Variants in CX3CR1 observed in about 807,000 individuals in gnomAD.
CX3CR1 encodes C-X3-C motif chemokine receptor 1, also known as CX3C chemokine receptor 1.
For synonymous variants in CX3CR1, 168 were observed against 178.5 expected (o/e 0.94, Z 0.47); for missense variants, 363 against 432.4 (o/e 0.84, Z 1.42).
chr3:39,288,461 T>C, the CX3CR1 span, among the ~76,000 whole-genome samples: 4 of 152,176 alleles, frequency 2.6e-5, no homozygotes, highest in African/African-American at 9.7e-5. Context: ...AGTCATCAGA[T>C]ACAGGAGTGA....
upstream of CX3CR1, chr3:39,280,509 A>G (rs987574643): frequency 3.1e-6 from 3 of 969,946 alleles, no homozygotes; most frequent in Non-Finnish European, 3.7e-6. Flanking sequence ...CTGAATTAGA[A>G]TCTGCATTTT....
In CX3CR1 at chr3:39,266,309, G is replaced by A. The variant is rs1316330115; in HGVS notation, c.201C>T (p.Asp67=). ...TNSKKPKSVT[D]IYLLNLALSD... is the part of the protein sequence containing the mutation. ...ACAAGGCCAGGTTCAGGAGGTAAAT[G>A]TCGGTGACACTCTTGGGCTTCTTGC... Residue 67 remains aspartate, a synonymous_variant, in exon 2 of 2, where the codon GAC becomes GAT. Transcript: ENST00000399220. 2 of 1,614,102 alleles carry A rather than the reference G, an allele frequency of 1.2e-6. No individual in the cohort carries two copies. Among genetic ancestry groups the A allele is most frequent in the Non-Finnish European group, 1.7e-6 (2 of 1,180,052 alleles).
intron 1 of CX3CR1, among the ~76,000 whole-genome samples, chr3:39,273,663 G>A (rs1030025310): frequency 7.2e-5 from 11 of 152,196 alleles, no homozygotes; most frequent in Non-Finnish European, 1.0e-4. Context: ...GTTTGAGACA[G>A]GATCTCGCTC....
the CX3CR1 span, chr3:39,287,907 G>A: frequency 2.0e-5 from 3 of 152,276 alleles, no homozygotes; most frequent in East Asian, 5.8e-4. Flanking sequence ...TTCACCAAAG[G>A]AAGCAACTTA....
intron 1 of CX3CR1, among the ~76,000 whole-genome samples, chr3:39,270,919 C>T (rs2040767593): frequency 6.6e-6 from 1 of 152,108 alleles, no homozygotes; most frequent in Non-Finnish European, 1.5e-5. Flanking sequence ...TGGTAGCCAA[C>T]ATATAAAAGG....
chr3:39,292,157 G>A, the CX3CR1 span, among the ~76,000 whole-genome samples: 2 of 152,242 alleles, frequency 1.3e-5, no homozygotes, highest in Non-Finnish European at 2.9e-5. Context: ...CAGGCCCTGT[G>A]CACGTGATGG....
At chr3:39,272,704 T>G (rs1304335706) in intron 1 of CX3CR1, among the ~76,000 whole-genome samples, 1 of 152,184 alleles carries the variant, frequency 6.6e-6, no homozygotes, top group Non-Finnish European at 1.5e-5. Context: ...TGAGGTTCAG[T>G]CTGGTGCCAA....
upstream of CX3CR1, among the ~76,000 whole-genome samples, chr3:39,281,918 A>C (rs2040905508): frequency 6.6e-6 from 1 of 152,216 alleles, no homozygotes; most frequent in Non-Finnish European, 1.5e-5. Context: ...CTTGGCAAGC[A>C]TGAGAACCAG....
the CX3CR1 span, among the ~76,000 whole-genome samples, chr3:39,291,326 G>A: frequency 6.6e-6 from 1 of 152,122 alleles, no homozygotes; most frequent in Non-Finnish European, 1.5e-5. Context: ...CAAAGTGCTG[G>A]GATTACAGGT....
chr3:39,291,062 C>CT, the CX3CR1 span, among the ~76,000 whole-genome samples: 2,927 of 145,270 alleles, frequency 0.02, 93 homozygotes, highest in African/African-American at 0.066. Context: ...CTTTTCTTTT[C>CT]TTTTTTTTTT....
chr3:39,283,802 TATA>T (rs1559371968), upstream of CX3CR1, among the ~76,000 whole-genome samples: 38 of 35,878 alleles, frequency 1.1e-3, no homozygotes, highest in African/African-American at 4.7e-3. Flanking sequence ...AAATTATATA[TATA>T]TATATATATA....
the CX3CR1 span, among the ~76,000 whole-genome samples, chr3:39,290,783 T>TGG: frequency 6.6e-6 from 1 of 151,878 alleles, no homozygotes; most frequent in Non-Finnish European, 1.5e-5. Flanking sequence ...TTGCCAGGCA[T>TGG]GGTGGTGGGC....
chr3:39,284,123 T>G (rs2965057), upstream of CX3CR1, among the ~76,000 whole-genome samples: 32,266 of 151,390 alleles, frequency 0.21, 3,843 homozygotes, highest in African/African-American at 0.29. Flanking sequence ...GAATATAATA[T>G]CTAAAAGGAC....
intron 1 of CX3CR1, among the ~76,000 whole-genome samples, chr3:39,275,233 T>A (rs2040825832): frequency 6.6e-6 from 1 of 152,214 alleles, no homozygotes. Flanking sequence ...AGGCTTTTTG[T>A]CAGCTTTATG....
At chr3:39,288,921 T>C in the CX3CR1 span, among the ~76,000 whole-genome samples, 64 of 152,268 alleles carry the variant, frequency 4.2e-4, no homozygotes, top group African/African-American at 1.4e-3. Flanking sequence ...TCCCAGCACT[T>C]TGGGAGGTCG....
At chr3:39,271,994 T>C (rs1357661918) in intron 1 of CX3CR1, among the ~76,000 whole-genome samples, 1 of 152,202 alleles carries the variant, frequency 6.6e-6, no homozygotes, top group East Asian at 1.9e-4. Flanking sequence ...AGAGGTCTAA[T>C]TGGTTTTCAT....
chr3:39,288,297 T>C, the CX3CR1 span, among the ~76,000 whole-genome samples: 1 of 152,166 alleles, frequency 6.6e-6, no homozygotes, highest in Non-Finnish European at 1.5e-5. Flanking sequence ...ACTTGCCAGG[T>C]ATTTAGAAAG....
At chr3:39,281,008 T>C, upstream of CX3CR1, 3 of 888,760 alleles carry the variant, frequency 3.4e-6, no homozygotes, top group Non-Finnish European at 2.7e-6. Context: ...GGCCCCTTGC[T>C]GCCCACATCC....
rs1344420180 is a variant in CX3CR1 at position 39,266,056 on chromosome 3, C to T, written c.454G>A (p.Gly152Ser). The change falls in exon 2 of 2, where the codon GGC becomes AGC. Residue 152 changes from glycine to serine, a missense_variant. Gly to Ser is a moderately conservative substitution (Grantham distance 56). Transcript: ENST00000399220. ...TVQHGVTISL[G>S]VWAAAILVAA... ...ACCAAAATGGCTGCTGCCCAGACGC[C>T]TAGGCTGATGGTGACGCCATGCTGC... is the stretch of plus-strand genomic sequence containing the variant. 6.2e-7 allele frequency: 1 copy of T among 1,614,070 alleles called. No individual in the cohort carries two copies. Among genetic ancestry groups the T allele is most frequent in the African/African-American group, 1.3e-5 (1 of 74,918 alleles).
Sources: allele counts gnomAD v4.1 joint callset (sites outside exome capture counted in the v4.1 genomes callset), GRCh38; gene constraint gnomAD v4.1.1; transcripts MANE v1.5; gene names NCBI Gene and HGNC (gene_info 2026-07-23, HGNC 2026-07-21).